The following FMOD variants were observed in gnomAD, a reference collection of about 807,000 sequenced individuals.
FMOD encodes KSPG fibromodulin.
A neutral mutation model predicts 27.0 loss-of-function variants in FMOD; 15 were observed. The ratio of observed to expected loss-of-function variants is 0.55; its 90% CI spans 0.37 to 0.85. The LOEUF is 0.85. FMOD is among the 40% of genes least tolerant of loss of function. The pLI is 0.00. For synonymous variants in FMOD, 210 were observed against 214.0 expected (o/e 0.98, Z 0.16); for missense variants, 460 against 483.2 (o/e 0.95, Z 0.45).
Position 203,347,292 on chromosome 1 carries a change from C to T in FMOD, c.979G>A (p.Glu327Lys), listed in dbSNP as rs200696594. The T allele has an allele frequency of 1.9e-5, 30 of 1,607,678 alleles. No homozygotes were observed. The highest frequency in any genetic ancestry group is 6.7e-5 in the Admixed American group (4 of 59,548). ...NLYLQGNRIN[E>K]FSISSFCTVV... is the part of the protein sequence containing the mutation. ...CCGCCTCCCTTTGCCAAGGTCTCACCATTGATCCTATTGCCTTGGAGGTAG... is the reference window on the plus strand; with the variant it reads ...CCGCCTCCCTTTGCCAAGGTCTCACTATTGATCCTATTGCCTTGGAGGTAG... The change falls in exon 2 of 3, where the codon GAG becomes AAG. Residue 327 changes from glutamate to lysine, a missense_variant and splice_region_variant. Physicochemically the swap from Glu to Lys is moderately conservative, Grantham distance 56. Coordinates refer to ENST00000354955, the MANE Select transcript of FMOD (RefSeq NM_002023.5).
rs778345234 is a variant in FMOD at position 203,347,757 on chromosome 1, C to T, written c.514G>A (p.Gly172Ser). 3.7e-5 allele frequency: 59 copies of T among 1,613,634 alleles called. No individual in the cohort carries two copies. The highest frequency in any genetic ancestry group is 2.1e-4 in the South Asian group (19 of 91,082). ...TCTCTCAGGGATCGAGGCAGGGGAC[C>T]GGGCATCCGGGTCAGGTTGTTGTGG... ...LDHNNLTRMPGPLPRSLRELH... is the reference protein window; with the variant it reads ...LDHNNLTRMPSPLPRSLRELH... The change falls in exon 2 of 3, where the codon GGT becomes AGT. Residue 172 changes from glycine (G) to serine (S), a missense_variant. By Grantham distance (56) the Gly-to-Ser change is moderately conservative. Coordinates refer to ENST00000354955, the MANE Select transcript of FMOD (RefSeq NM_002023.5).
In FMOD at chr1:203,347,882, C is replaced by T; in HGVS notation, c.389G>A (p.Gly130Glu). The change falls in exon 2 of 3, where the codon GGG becomes GAG. Residue 130 changes from glycine to glutamate, a missense_variant. Gly to Glu is a moderately conservative substitution (Grantham distance 98). Transcript: ENST00000354955. ...IQEGVFDNAT[G>E]LLWIALHGNQ... ...GCCGTGGAGAGCAATCCAGAGCAGCCCTGTGGCATTGTCAAAGACGCCTTC... is the reference window on the plus strand; with the variant it reads ...GCCGTGGAGAGCAATCCAGAGCAGCTCTGTGGCATTGTCAAAGACGCCTTC... 6.2e-7 allele frequency: 1 copy of T among 1,613,920 alleles called. No homozygotes were observed. The highest frequency in any genetic ancestry group is 8.5e-7 in the Non-Finnish European group (1 of 1,179,904).
chr1:203,350,101 T>C lies in FMOD; in HGVS notation c.-8+932A>G, dbSNP rs374647360. On this transcript the variant is annotated intron_variant, in intron 1 of 2. Transcript: ENST00000354955. ...CACAGTGAGCCTCTGTCTCCGTTTC[T>C]CCTTCTTTCAGACTGGGCACCTTGG... is the stretch of plus-strand genomic sequence containing the variant. Among the ~76,000 whole-genome samples, 43 of 152,368 alleles carry C rather than the reference T, an allele frequency of 2.8e-4. No homozygotes were observed. The South Asian group carries it at 4.8e-3, about 17-fold the overall frequency.
In FMOD at chr1:203,348,330, A is replaced by C. The variant is rs139728195; in HGVS notation, c.-7-53T>G. 1,876 of 1,553,758 alleles carry C rather than the reference A, an allele frequency of 1.2e-3. 20 individuals are homozygous for C. In the African/African-American group the frequency reaches 0.022, roughly 19 times the overall value. On this transcript the variant is annotated intron_variant, in intron 1 of 2. Transcript: ENST00000354955. ...AGCCAGCATGAGTGAGACTCCACAGAGGCAGTGAGGCAGAGTAGGCAAGCC... is the reference window on the plus strand; with the variant it reads ...AGCCAGCATGAGTGAGACTCCACAGCGGCAGTGAGGCAGAGTAGGCAAGCC...
intron 1 of FMOD, among the ~76,000 whole-genome samples, chr1:203,349,058 G>C (rs1282745821): frequency 2.0e-5 from 3 of 152,240 alleles, no homozygotes; most frequent in Non-Finnish European, 4.4e-5. Context: ...CCCTGGCACT[G>C]GGTGTGGCAC....
chr1:203,346,364 G>T (rs1287236286), intron 2 of FMOD, among the ~76,000 whole-genome samples: 1 of 151,878 alleles, frequency 6.6e-6, no homozygotes, highest in African/African-American at 2.4e-5. Context: ...CCTTCCAGCT[G>T]GGATTAAGAC....
At chr1:203,344,345 C>T (rs570374760) in intron 2 of FMOD, among the ~76,000 whole-genome samples, 1 of 152,110 alleles carries the variant, frequency 6.6e-6, no homozygotes, top group African/African-American at 2.4e-5. Context: ...CTGTGGGGAG[C>T]TAGACACACA....
At chr1:203,349,641 T>C (rs1658957753) in intron 1 of FMOD, among the ~76,000 whole-genome samples, 3 of 152,170 alleles carry the variant, frequency 2.0e-5, no homozygotes, top group Admixed American at 2.0e-4. Context: ...AGCCCTCACA[T>C]TGCTGTTGGG....
In FMOD at chr1:203,348,029, T is replaced by A; in HGVS notation, c.242A>T (p.Asp81Val). The stretch of plus-strand genomic sequence containing the variant: ...GGCCGTGGGGAAGTTGGGTGGGCAG[T>A]CGCACTCCTGGGGGCAGTCGCGGGG... Reference protein sequence around the residue: ...PDPRDCPQECDCPPNFPTAMY... With the variant: ...PDPRDCPQECVCPPNFPTAMY... Residue 81 changes from aspartate (D) to valine (V), a missense_variant, in exon 2 of 3, where the codon GAC becomes GTC. Coordinates refer to ENST00000354955, the MANE Select transcript of FMOD (RefSeq NM_002023.5). 1.2e-6 allele frequency: 2 copies of A among 1,610,340 alleles called. No individual in the cohort carries two copies. The highest frequency in any genetic ancestry group is 1.7e-6 in the Non-Finnish European group (2 of 1,177,776).
At chr1:203,350,576 A>AACACACACACACACACACAC (rs754601876) in intron 1 of FMOD, among the ~76,000 whole-genome samples, 53 of 131,694 alleles carry the variant, frequency 4.0e-4, no homozygotes, top group African/African-American at 1.4e-3. Flanking sequence ...TTCCACTCCA[A>AACACACACACACACACACAC]ACACACACAC....
At position 203,342,329 on chromosome 1, in the gene FMOD, G is replaced by T. The variant is rs369549642; in HGVS notation, c.*14C>A. The T allele has an allele frequency of 2.5e-6, 4 of 1,602,262 alleles. No homozygotes were observed. Among genetic ancestry groups the T allele is most frequent in the African/African-American group, 1.3e-5 (1 of 74,698 alleles). ...CACGGGGGCTCTCCGCCCAGTACCC[G>T]GTGCCAGGGCTGCTCAGATCTCGAT... is the stretch of plus-strand genomic sequence containing the variant. On this transcript the variant is annotated 3_prime_UTR_variant, in exon 3 of 3. Coordinates refer to ENST00000354955, the MANE Select transcript of FMOD (RefSeq NM_002023.5).
chr1:203,342,859 C>G (rs1322325030), intron 2 of FMOD, among the ~76,000 whole-genome samples: 2 of 151,926 alleles, frequency 1.3e-5, no homozygotes, highest in Non-Finnish European at 2.9e-5. Context: ...CAAAGACCAA[C>G]CGTAGACACC....
At chr1:203,345,379 A>G (rs551531012) in intron 2 of FMOD, among the ~76,000 whole-genome samples, 3 of 152,294 alleles carry the variant, frequency 2.0e-5, no homozygotes, top group Non-Finnish European at 4.4e-5. Flanking sequence ...TTCCATCCCA[A>G]CTTTCTCTGA....
At position 203,342,496 on chromosome 1, in the gene FMOD, T is replaced by C. The variant is rs1658813107; in HGVS notation, c.980-2A>G. 6.2e-7 allele frequency: 1 copy of C among 1,613,174 alleles called. No homozygotes were observed. Among genetic ancestry groups the C allele is most frequent in the Non-Finnish European group, 8.5e-7 (1 of 1,179,324 alleles). ...TGCAGAAGCTGCTGATGGAGAACTC[T>C]GTGGGGACAAGAGGAGCACGGGTCA... is the stretch of plus-strand genomic sequence containing the variant. On this transcript the variant is annotated splice_acceptor_variant, in intron 2 of 2. Transcript: ENST00000354955. LOFTEE classifies it high-confidence loss of function.
In FMOD at chr1:203,347,364, T is replaced by C. The variant is rs1217681416; in HGVS notation, c.907A>G (p.Asn303Asp). ...SSLLELDLSYNQLQKIPPVNT... is the reference protein window; with the variant it reads ...SSLLELDLSYDQLQKIPPVNT... The stretch of plus-strand genomic sequence containing the variant: ...ACTGGGGGGATCTTCTGCAGCTGGT[T>C]GTAGGAGAGGTCTAGCTCAAGGAGG... The change falls in exon 2 of 3, where the codon AAC becomes GAC. Residue 303 changes from asparagine (N) to aspartate (D), a missense_variant. Transcript: ENST00000354955. The C allele has an allele frequency of 1.2e-6, 2 of 1,614,106 alleles. No individual in the cohort carries two copies. Among genetic ancestry groups the C allele is most frequent in the Non-Finnish European group, 1.7e-6 (2 of 1,180,008 alleles).
At chr1:203,342,739 A>C (rs1405307992) in intron 2 of FMOD, among the ~76,000 whole-genome samples, 1 of 151,448 alleles carries the variant, frequency 6.6e-6, no homozygotes, top group Non-Finnish European at 1.5e-5. Context: ...TTTACTCTGC[A>C]GGCCCAGGAA....
chr1:203,348,009 TG>T lies in FMOD; in HGVS notation c.261del (p.Thr88ArgfsTer20). 1 of 1,607,994 alleles carries T rather than the reference TG, an allele frequency of 6.2e-7. No homozygotes were observed. Among genetic ancestry groups the T allele is most frequent in the Non-Finnish European group, 8.5e-7 (1 of 1,176,462 alleles). ...TTGCGATTGTCACAGTACATGGCCGTGGGGAAGTTGGGTGGGCAGTCGCACT... is the reference window on the plus strand; with the variant it reads ...TTGCGATTGTCACAGTACATGGCCGTGGGAAGTTGGGTGGGCAGTCGCACT... Reference protein sequence around the residue: ...PQECDCPPNFPTAMYCDNRNL... With the variant: ...PQECDCPPNFXTAMYCDNRNL... On this transcript the variant is annotated frameshift_variant, in exon 2 of 3. Transcript: ENST00000354955. LOFTEE classifies it high-confidence loss of function.
chr1:203,350,804 G>T (rs1377214871), intron 1 of FMOD, among the ~76,000 whole-genome samples: 1 of 152,278 alleles, frequency 6.6e-6, no homozygotes, highest in Admixed American at 6.5e-5. Context: ...AGAATTGGAG[G>T]TCCCCTCAGC....
rs111253573 is a variant in FMOD at position 203,342,085 on chromosome 1, G to T, written c.*258C>A. The T allele has an allele frequency of 1.5e-5, 7 of 453,818 alleles. No individual in the cohort carries two copies. The highest frequency in any genetic ancestry group is 1.2e-4 in the African/African-American group (6 of 50,416). The allele number at this position is 453,818 out of a possible 1,614,324, so 28.1% of individuals were successfully genotyped here. ...AACTTAAGAGCCGTGAGATTTATGG[G>T]GTTGGAACATCCAGGGATCCTTCCA... is the stretch of plus-strand genomic sequence containing the variant. On this transcript the variant is annotated 3_prime_UTR_variant, in exon 3 of 3. Coordinates refer to ENST00000354955, the MANE Select transcript of FMOD (RefSeq NM_002023.5).
Sources: gnomAD v4.1 joint callset for allele counts (sites outside exome capture counted in the v4.1 genomes callset) on GRCh38, gnomAD v4.1.1 for gene constraint, MANE v1.5 for transcripts, NCBI Gene and HGNC (gene_info 2026-07-23, HGNC 2026-07-21) for gene names.